LRRC74B: variants seen among roughly 807,000 people sequenced by gnomAD.
LRRC74B encodes the protein leucine-rich repeat-containing protein 74B.
In LRRC74B, 30 loss-of-function variants were observed where a neutral mutation model predicts 16.6. The observed-to-expected ratio is 1.80, with a 90% CI of 1.35 to 2.45. The LOEUF (loss-of-function observed/expected upper bound fraction) is 2.45. LRRC74B is among the 30% of genes most tolerant of loss of function. The pLI is 0.00. For missense variants in LRRC74B, 326 were observed against 202.4 expected, an observed-to-expected ratio of 1.61 and a Z score of -3.71; for synonymous variants, 134 against 86.0, an observed-to-expected ratio of 1.56 and a Z score of -3.09.
At chr22:21,060,454 G>T (rs533860310) in exon 9 of LRRC74B, 1 of 716,910 alleles carries the variant, frequency 1.4e-6, no homozygotes, top group Non-Finnish European at 2.6e-6. Flanking sequence ...AAAGACTGGC[G>T]CTTGCAGAGT....
chr22:21,049,648 G>A (rs376215627), intron 4 of LRRC74B, among the ~76,000 whole-genome samples: 4 of 151,706 alleles, frequency 2.6e-5, no homozygotes, highest in South Asian at 2.1e-4. Context: ...GTGAGCATGC[G>A]GGCCTGTTTC....
At chr22:21,053,322 C>A in intron 5 of LRRC74B, 38 bp from the exon 6 acceptor site, 1 of 710,722 alleles carries the variant, frequency 1.4e-6, no homozygotes, top group South Asian at 1.5e-5. Context: ...GCTCCACTGT[C>A]AGATGGGGTC....
rs562662624 is a variant in LRRC74B, at chr22:21,055,738, A to AGCTC, written c.927+563_927+566dup. 2.0e-4 allele frequency among the ~76,000 whole-genome samples: 30 copies of AGCTC among 152,104 alleles called. 1 individual carries two copies. In the East Asian group the frequency reaches 5.8e-3, roughly 29 times the overall value. On this transcript the variant is annotated intron_variant, in intron 7 of 8. Transcript: ENST00000442047. ...TGGACATCCAGCTCTGTCGGCCCTC[A>AGCTC]GCTCCCCACCCTAGCCTTACTGGGC...
At chr22:21,061,318 C>CA (rs553704161), downstream of LRRC74B, among the ~76,000 whole-genome samples, 4,064 of 138,912 alleles carry the variant, frequency 0.029, 310 homozygotes, top group East Asian at 0.28. Flanking sequence ...AACTCTGTCT[C>CA]AAAAAAAAAA....
chr22:21,056,596 GCACACACACACA>G (rs747195504), intron 7 of LRRC74B: 194 of 140,298 alleles, frequency 1.4e-3, no homozygotes, highest in South Asian at 5.0e-3. Flanking sequence ...CAAGCTTGGA[GCACACACACACA>G]CACACACACA....
At chr22:21,058,216 A>G (rs1221098062) in intron 8 of LRRC74B, among the ~76,000 whole-genome samples, 1 of 151,882 alleles carries the variant, frequency 6.6e-6, no homozygotes, top group African/African-American at 2.4e-5. Context: ...GATTTTTTTA[A>G]TGTAGAAAAA....
exon 2 of LRRC74B, chr22:21,047,489 G>A (rs1419609002): frequency 4.2e-6 from 3 of 717,396 alleles, no homozygotes; most frequent in East Asian, 5.4e-5. Context: ...ACCGTGGCCT[G>A]GGGCCCCAGG....
chr22:21,048,066 A>G, intron 3 of LRRC74B, 50 bp downstream of exon 3: 1 of 714,402 alleles, frequency 1.4e-6, no homozygotes, highest in African/African-American at 1.7e-5. Flanking sequence ...CCTTTTCCTC[A>G]GGGATGTGCC....
At chr22:21,046,086 G>C (rs9625412) in exon 1 of LRRC74B, 16 of 717,258 alleles carry the variant, frequency 2.2e-5, no homozygotes, top group African/African-American at 2.1e-4. Context: ...GGCCGAGCAG[G>C]GTCCCGAGGC....
intron 1 of LRRC74B, 102 bp downstream of exon 1, chr22:21,046,227 CCGCCTGCGGG>C (rs1163501085): frequency 3.0e-5 from 19 of 639,888 alleles, no homozygotes; most frequent in Non-Finnish European, 4.8e-5. Flanking sequence ...GGGAACGTAC[CCGCCTGCGGG>C]GCGCCTCCAG....
chr22:21,060,223 T>G (rs1201559709), intron 8 of LRRC74B, 150 bp from the exon 9 acceptor site: 6 of 595,132 alleles, frequency 1.0e-5, no homozygotes, highest in South Asian at 6.7e-5. Context: ...CCTTCTCTCC[T>G]GGATCTTACT....
chr22:21,061,559 G>C (rs1280619529), downstream of LRRC74B, among the ~76,000 whole-genome samples: 1 of 152,182 alleles, frequency 6.6e-6, no homozygotes, highest in Non-Finnish European at 1.5e-5. Flanking sequence ...GCCATTCAGA[G>C]GCTGAGGTAG....
At chr22:21,050,832 G>A (rs1381211502) in intron 4 of LRRC74B, among the ~76,000 whole-genome samples, 2 of 149,650 alleles carry the variant, frequency 1.3e-5, no homozygotes, top group African/African-American at 4.9e-5. Context: ...GTGCCTATCT[G>A]TAATGCCAAC....
intron 8 of LRRC74B, among the ~76,000 whole-genome samples, chr22:21,058,030 T>C (rs1395927773): frequency 6.6e-6 from 1 of 151,256 alleles, no homozygotes; most frequent in African/African-American, 2.4e-5. Flanking sequence ...GGATTACAGA[T>C]GTGTGCCACC....
At chr22:21,048,082 C>G in intron 3 of LRRC74B, 66 bp downstream of exon 3, 6 of 710,526 alleles carry the variant, frequency 8.4e-6, no homozygotes, top group South Asian at 1.5e-5. Context: ...GTGCCTCCAT[C>G]GTTGAAAGCT....
rs558930019 is a variant in LRRC74B, at chr22:21,057,121, T to C, written c.944T>C (p.Met315Thr). 442 of 717,482 alleles carry C rather than the reference T, an allele frequency of 6.2e-4. 3 individuals carry two copies. The African/African-American group carries it at 6.6e-3, about 11-fold the overall frequency. 44.4% of individuals were successfully genotyped at this position (717,482 alleles called of 1,614,324 possible). Residue 315 changes from methionine to threonine, a missense_variant, in exon 8 of 9, where the codon ATG becomes ACG. Transcript: ENST00000442047. Reference sequence around the variant, plus strand: ...GTTTCTCAGGTGTCCAGGAATCCCATGCGAAGTGAAGGCTGCTTTGGTCTC... The same window carrying C: ...GTTTCTCAGGTGTCCAGGAATCCCACGCGAAGTGAAGGCTGCTTTGGTCTC...
intron 4 of LRRC74B, among the ~76,000 whole-genome samples, chr22:21,050,865 C>T (rs1288551153): frequency 1.4e-5 from 2 of 147,904 alleles, no homozygotes; most frequent in African/African-American, 2.5e-5. Flanking sequence ...GGCTGAGGGG[C>T]GAAGATTGCT....
exon 9 of LRRC74B, chr22:21,060,388 G>A (rs1198611813): frequency 1.3e-5 from 9 of 715,674 alleles, no homozygotes; most frequent in Admixed American, 2.0e-5. Flanking sequence ...CCAGGTGAAC[G>A]CAGAGTTTGA....
At chr22:21,054,203 A>G (rs1306682826) in intron 6 of LRRC74B, among the ~76,000 whole-genome samples, 3 of 152,236 alleles carry the variant, frequency 2.0e-5, no homozygotes, top group African/African-American at 4.8e-5. Flanking sequence ...GCATACACCT[A>G]TCATTCCTGG....
Sources: gnomAD v4.1 joint callset for allele counts (sites outside exome capture counted in the v4.1 genomes callset) on GRCh38, gnomAD v4.1.1 for gene constraint, MANE v1.5 for transcripts, NCBI Gene and HGNC (gene_info 2026-07-23, HGNC 2026-07-21) for gene names.